The following PLCXD3 variants were observed in gnomAD, a reference collection of about 807,000 sequenced individuals.
The protein encoded by PLCXD3 is PI-PLC X domain-containing protein 3.
In PLCXD3, 19 loss-of-function variants were observed where a neutral mutation model predicts 25.5. The observed-to-expected ratio is 0.75, with a 90% confidence interval of 0.52 to 1.09. The LOEUF is 1.09. Among genes scored for constraint, PLCXD3 ranks in the 50% least tolerant of loss-of-function variants. PLCXD3 has a pLI of 0.00. For missense variants in PLCXD3, 411 were observed against 388.1 expected (o/e 1.06, Z -0.50); for synonymous variants, 174 against 137.6 (o/e 1.26, Z -1.85).
chr5:41,428,695 A>G (rs1429519632), intron 1 of PLCXD3, among the ~76,000 whole-genome samples: 1 of 152,100 alleles, frequency 6.6e-6, no homozygotes, highest in Non-Finnish European at 1.5e-5. Flanking sequence ...CTCCAACTTA[A>G]AATTTTTCAA....
At chr5:41,375,470 T>C (rs1745265693) in intron 2 of PLCXD3, among the ~76,000 whole-genome samples, 1 of 152,122 alleles carries the variant, frequency 6.6e-6, no homozygotes, top group African/African-American at 2.4e-5. Flanking sequence ...GTCAGCTCTA[T>C]GTCCTTGGGC....
At chr5:41,376,268 A>G (rs896714202) in intron 2 of PLCXD3, among the ~76,000 whole-genome samples, 2 of 152,106 alleles carry the variant, frequency 1.3e-5, no homozygotes, top group Admixed American at 1.3e-4. Flanking sequence ...GGCTGAAGTC[A>G]AACCATGTCA....
intron 1 of PLCXD3, among the ~76,000 whole-genome samples, chr5:41,459,218 T>C (rs1471296814): frequency 2.0e-5 from 3 of 151,924 alleles, no homozygotes. Context: ...ATTTTCATGT[T>C]TGAACAGGTT....
At chr5:41,349,192 A>C (rs1744384345) in intron 2 of PLCXD3, among the ~76,000 whole-genome samples, 1 of 152,192 alleles carries the variant, frequency 6.6e-6, no homozygotes, top group Non-Finnish European at 1.5e-5. Context: ...TCAGAAAATT[A>C]TTCTTAGGTT....
At chr5:41,468,395 C>A in intron 1 of PLCXD3, among the ~76,000 whole-genome samples, 1 of 152,162 alleles carries the variant, frequency 6.6e-6, no homozygotes, top group African/African-American at 2.4e-5. Flanking sequence ...AAGGACATTT[C>A]TCCATTTCTA....
chr5:41,408,132 C>G (rs1451107637), intron 1 of PLCXD3, among the ~76,000 whole-genome samples: 2 of 152,138 alleles, frequency 1.3e-5, no homozygotes. Context: ...AGAGCTTGCT[C>G]CCATTGCCAT....
chr5:41,310,436 G>C lies in PLCXD3; in HGVS notation c.*3181C>G, dbSNP rs1272624184. 1.3e-5 allele frequency: 2 copies of C among 152,078 alleles called. No homozygotes were observed. Among genetic ancestry groups the C allele is most frequent in the Non-Finnish European group, 2.9e-5 (2 of 67,998 alleles). 9.4% of individuals were successfully genotyped at this position (152,078 alleles called of 1,614,324 possible). A position where few individuals can be genotyped will look rare whatever the true frequency, so the allele number is the denominator to read the frequency against. ...TTTGCCTCACAGGACTTGTGAAATA[G>C]TCTTAAGAAACAAGTAAAACAAAAA... is the stretch of plus-strand genomic sequence containing the variant. On this transcript the variant is annotated 3_prime_UTR_variant, in exon 3 of 3. Coordinates refer to ENST00000377801, the MANE Select transcript of PLCXD3 (RefSeq NM_001005473.3).
chr5:41,394,056 A>G (rs1448875399), intron 1 of PLCXD3, among the ~76,000 whole-genome samples: 1 of 152,214 alleles, frequency 6.6e-6, no homozygotes, highest in Non-Finnish European at 1.5e-5. Flanking sequence ...TAAATGATGA[A>G]CCAATGAAAA....
intron 1 of PLCXD3, among the ~76,000 whole-genome samples, chr5:41,473,156 A>T (rs911420356): frequency 6.6e-6 from 1 of 152,198 alleles, no homozygotes; most frequent in African/African-American, 2.4e-5. Flanking sequence ...ATTAAAAATT[A>T]GCATCTAAAT....
chr5:41,355,660 A>C (rs1040020974), intron 2 of PLCXD3, among the ~76,000 whole-genome samples: 1 of 152,212 alleles, frequency 6.6e-6, no homozygotes, highest in Non-Finnish European at 1.5e-5. Flanking sequence ...TTATATGTTT[A>C]AAGGAAATGA....
At chr5:41,491,943 T>C (rs201943608) in intron 1 of PLCXD3, among the ~76,000 whole-genome samples, 1 of 152,330 alleles carries the variant, frequency 6.6e-6, no homozygotes, top group South Asian at 2.1e-4. Flanking sequence ...CATTTAAAGT[T>C]AATATTGTTA....
rs1421525487 is a variant in PLCXD3, at chr5:41,327,324, A to C, written c.813-13554T>G. Among the ~76,000 whole-genome samples, 3 of 152,182 alleles carry C rather than the reference A, an allele frequency of 2.0e-5. No homozygotes were observed. In the East Asian group the frequency reaches 5.8e-4, roughly 29 times the overall value. On this transcript the variant is annotated intron_variant, in intron 2 of 2. Coordinates refer to ENST00000377801, the MANE Select transcript of PLCXD3 (RefSeq NM_001005473.3). ...CAGGTCGTTAAGGACTTCCTTTGACATGCTGTGGAGTCTAAGCTTGACTTT... is the reference window on the plus strand; with the variant it reads ...CAGGTCGTTAAGGACTTCCTTTGACCTGCTGTGGAGTCTAAGCTTGACTTT...
intron 1 of PLCXD3, among the ~76,000 whole-genome samples, chr5:41,486,988 C>A (rs916920640): frequency 2.0e-5 from 3 of 152,090 alleles, no homozygotes; most frequent in African/African-American, 7.2e-5. Context: ...TACCAACTTA[C>A]AGATAATTAG....
At chr5:41,455,423 G>A (rs565353166) in intron 1 of PLCXD3, among the ~76,000 whole-genome samples, 7 of 151,910 alleles carry the variant, frequency 4.6e-5, no homozygotes, top group East Asian at 3.9e-4. Flanking sequence ...AAGTTTAAAT[G>A]ACACAAAAGA....
chr5:41,470,971 C>A (rs1451033557), intron 1 of PLCXD3, among the ~76,000 whole-genome samples: 2 of 152,100 alleles, frequency 1.3e-5, no homozygotes, highest in African/African-American at 4.8e-5. Flanking sequence ...TACTCAGGAA[C>A]TATTGCAACT....
At chr5:41,430,875 C>A (rs1747082405) in intron 1 of PLCXD3, among the ~76,000 whole-genome samples, 1 of 152,104 alleles carries the variant, frequency 6.6e-6, no homozygotes, top group Non-Finnish European at 1.5e-5. Context: ...GAATTTGATT[C>A]CTGAAACTTC....
rs1310164227 is a variant in PLCXD3, at chr5:41,313,764, A to G, written c.819T>C (p.Leu273=). 2 of 1,588,608 alleles carry G rather than the reference A, an allele frequency of 1.3e-6. No individual in the cohort carries two copies. Among genetic ancestry groups the G allele is most frequent in the African/African-American group, 2.7e-5 (2 of 73,286 alleles). Residue 273 remains leucine, a synonymous_variant, in exon 3 of 3, where the codon CTT becomes CTC. Coordinates refer to ENST00000377801, the MANE Select transcript of PLCXD3 (RefSeq NM_001005473.3). The part of the protein sequence containing the change: ...GLRETITERA[L]PAMMQWVRTQ... ...TGCGGACCCACTGCATCATGGCAGGAAGAGCTCTGAGAAAGGAAACAAAAA... is the reference window on the plus strand; with the variant it reads ...TGCGGACCCACTGCATCATGGCAGGGAGAGCTCTGAGAAAGGAAACAAAAA...
intron 1 of PLCXD3, among the ~76,000 whole-genome samples, chr5:41,415,513 A>G (rs1224869268): frequency 6.6e-6 from 1 of 152,214 alleles, no homozygotes; most frequent in Non-Finnish European, 1.5e-5. Context: ...AAATTTATTG[A>G]CAGATCCATA....
intron 2 of PLCXD3, among the ~76,000 whole-genome samples, chr5:41,363,226 C>A (rs112317551): frequency 1.2e-4 from 18 of 152,116 alleles, no homozygotes; most frequent in African/African-American, 3.6e-4. Flanking sequence ...GGAAATAAAC[C>A]GTTTATTAAT....
Sources: allele counts gnomAD v4.1 joint callset (sites outside exome capture counted in the v4.1 genomes callset), GRCh38; gene constraint gnomAD v4.1.1; transcripts MANE v1.5; gene names NCBI Gene and HGNC (gene_info 2026-07-23, HGNC 2026-07-21).